The following NOL4 variants were observed in gnomAD, a reference collection of about 807,000 sequenced individuals.
NOL4 encodes cancer/testis antigen 125.
Under a neutral mutation model 75.9 loss-of-function variants are expected in NOL4, and 17 were observed. That is an observed-to-expected ratio of 0.22 (90% CI 0.15 to 0.34). The LOEUF (loss-of-function observed/expected upper bound fraction) is 0.34, where lower values mean the gene tolerates loss of function less well. Ranked by LOEUF, NOL4 falls within the 10% of genes least tolerant of loss-of-function variation. NOL4 has a pLI of 1.00. For missense variants in NOL4, 614 were observed against 793.5 expected (o/e 0.77, Z 2.72); for synonymous variants, 292 against 289.9 (o/e 1.01, Z -0.07).
chr18:33,901,273 T>C (rs1363379935), intron 9 of NOL4, among the ~76,000 whole-genome samples: 7 of 152,126 alleles, frequency 4.6e-5, no homozygotes, highest in African/African-American at 1.7e-4. Context: ...AGATCGTTTG[T>C]TCAATGAAAA....
chr18:34,139,463 A>G (rs7240044), intron 1 of NOL4, among the ~76,000 whole-genome samples: 39,917 of 151,944 alleles, frequency 0.26, 5,896 homozygotes, highest in African/African-American at 0.38. Flanking sequence ...GTTTATTTGC[A>G]TAGAGGTGTT....
intron 5 of NOL4, among the ~76,000 whole-genome samples, chr18:34,038,984 A>G (rs2076027531): frequency 6.6e-6 from 1 of 152,036 alleles, no homozygotes; most frequent in Non-Finnish European, 1.5e-5. Context: ...TATACATTCT[A>G]TGCATGTAAA....
intron 10 of NOL4, among the ~76,000 whole-genome samples, chr18:33,870,632 A>G (rs1331849856): frequency 1.3e-5 from 2 of 152,070 alleles, no homozygotes; most frequent in Non-Finnish European, 2.9e-5. Flanking sequence ...CAATGAAAAT[A>G]AACATAGTAT....
chr18:34,133,354 T>C (rs1170540499), intron 1 of NOL4, among the ~76,000 whole-genome samples: 2 of 150,548 alleles, frequency 1.3e-5, no homozygotes, highest in African/African-American at 4.9e-5. Context: ...ACATAACATA[T>C]GATAATAATG....
chr18:33,907,061 C>T (rs569654440), intron 9 of NOL4, among the ~76,000 whole-genome samples: 234 of 152,190 alleles, frequency 1.5e-3, no homozygotes, highest in Middle Eastern at 0.01. Flanking sequence ...CGGTGGCTCA[C>T]GCCTGTAATC....
chr18:33,910,347 G>A (rs2066322946), intron 9 of NOL4, among the ~76,000 whole-genome samples: 1 of 152,104 alleles, frequency 6.6e-6, no homozygotes, highest in South Asian at 2.1e-4. Context: ...ACACCGACAA[G>A]AGTCTAGTGT....
intron 1 of NOL4, among the ~76,000 whole-genome samples, chr18:34,210,427 T>C (rs2036435738): frequency 6.6e-6 from 1 of 152,236 alleles, no homozygotes; most frequent in African/African-American, 2.4e-5. Context: ...ATTTTCTCAG[T>C]TTATGATATA....
intron 10 of NOL4, among the ~76,000 whole-genome samples, chr18:33,863,733 G>T (rs1233657998): frequency 6.6e-6 from 1 of 152,150 alleles, no homozygotes; most frequent in African/African-American, 2.4e-5. Flanking sequence ...CTATTCTGGG[G>T]TCTGGAGGAT....
chr18:34,104,011 T>C, intron 4 of NOL4, 36 bp downstream of exon 4: 4 of 1,403,012 alleles, frequency 2.9e-6, no homozygotes, highest in South Asian at 1.2e-5. Flanking sequence ...TCGTTCCAAT[T>C]TGTAAGTAAT....
chr18:34,222,343 TG>T (rs925657278), intron 1 of NOL4: 9 of 1,039,260 alleles, frequency 8.7e-6, no homozygotes, highest in African/African-American at 5.2e-5. Flanking sequence ...AGGAAGGGAA[TG>T]GGGGGGCGGG....
chr18:34,016,512 A>G (rs754319915), intron 6 of NOL4, among the ~76,000 whole-genome samples: 2 of 152,206 alleles, frequency 1.3e-5, no homozygotes, highest in East Asian at 3.9e-4. Flanking sequence ...TCTCTGCTGC[A>G]GCCATGCTAA....
intron 1 of NOL4, among the ~76,000 whole-genome samples, chr18:34,186,289 C>T (rs866250813): frequency 6.6e-6 from 1 of 152,040 alleles, no homozygotes; most frequent in African/African-American, 2.4e-5. Flanking sequence ...AACAAACAAA[C>T]AAACAACAAC....
At chr18:34,195,807 G>C (rs2146441424) in intron 1 of NOL4, among the ~76,000 whole-genome samples, 1 of 151,942 alleles carries the variant, frequency 6.6e-6, no homozygotes, top group African/African-American at 2.4e-5. Context: ...CCTTGCCTGG[G>C]ATTCTTCACT....
chr18:33,991,814 G>C (rs2072937563), intron 6 of NOL4, among the ~76,000 whole-genome samples: 1 of 152,020 alleles, frequency 6.6e-6, no homozygotes, highest in Non-Finnish European at 1.5e-5. Context: ...AGACAGAGCA[G>C]AGCATTTCTG....
chr18:33,998,463 G>A (rs1330033944), intron 6 of NOL4, among the ~76,000 whole-genome samples: 2 of 152,064 alleles, frequency 1.3e-5, no homozygotes, highest in African/African-American at 2.4e-5. Context: ...AGGAGAAAAT[G>A]TGATTAACTG....
chr18:34,093,771 G>A lies in NOL4; in HGVS notation c.640-174C>T, dbSNP rs528642902. ...TAGCAAACAATGGGCCGGGCGTGGT[G>A]GCTCAGGTCTGTAATCCCAGCACTT... On this transcript the variant is annotated intron_variant, in intron 4 of 10. Transcript: ENST00000261592. 7.7e-4 allele frequency among the ~76,000 whole-genome samples: 117 copies of A among 152,310 alleles called. 2 individuals are homozygous for A. Among genetic ancestry groups the A allele is most frequent in the African/African-American group, 2.7e-3 (111 of 41,560 alleles).
intron 6 of NOL4, among the ~76,000 whole-genome samples, chr18:33,979,048 A>G (rs575603643): frequency 2.6e-5 from 4 of 152,230 alleles, no homozygotes; most frequent in African/African-American, 4.8e-5. Flanking sequence ...GCTAATAGAA[A>G]CACAGACTAT....
At chr18:33,935,951 A>G (rs568829483) in intron 9 of NOL4, among the ~76,000 whole-genome samples, 2 of 152,280 alleles carry the variant, frequency 1.3e-5, no homozygotes, top group East Asian at 3.9e-4. Flanking sequence ...CTGGCAGGCC[A>G]TAGAAATAAG....
chr18:34,215,923 T>C (rs1000904663), intron 1 of NOL4, among the ~76,000 whole-genome samples: 1 of 152,234 alleles, frequency 6.6e-6, no homozygotes, highest in Non-Finnish European at 1.5e-5. Flanking sequence ...TCATGGCATA[T>C]ATTTTTCTTA....
Sources: allele counts gnomAD v4.1 joint callset (sites outside exome capture counted in the v4.1 genomes callset), GRCh38; gene constraint gnomAD v4.1.1; transcripts MANE v1.5; gene names NCBI Gene and HGNC (gene_info 2026-07-23, HGNC 2026-07-21).